Variants in CAMKMT observed in about 807,000 individuals in gnomAD.
The protein encoded by CAMKMT is calmodulin-lysine N-methyltransferase.
A neutral mutation model predicts 48.0 loss-of-function variants in CAMKMT; 53 were observed. The ratio of observed to expected loss-of-function variants is 1.10; its 90% CI spans 0.89 to 1.39. The LOEUF (loss-of-function observed/expected upper bound fraction) is 1.39. Ranked by LOEUF, CAMKMT falls within the 40% of genes most tolerant of loss-of-function variation. The pLI, the probability that CAMKMT is intolerant of heterozygous loss-of-function variation, is 0.00. For synonymous variants in CAMKMT, 165 were observed against 152.3 expected (o/e 1.08, Z -0.61); for missense variants, 428 against 402.7 (o/e 1.06, Z -0.54).
At chr2:44,497,492 T>TA (rs898625810) in intron 3 of CAMKMT, among the ~76,000 whole-genome samples, 57 of 151,798 alleles carry the variant, frequency 3.8e-4, no homozygotes, top group African/African-American at 1.2e-3. Context: ...TAAGAGAGAG[T>TA]AAAAAAAATC....
intron 9 of CAMKMT, among the ~76,000 whole-genome samples, chr2:44,763,233 T>C (rs1249714879): frequency 2.0e-5 from 3 of 152,178 alleles, no homozygotes; most frequent in East Asian, 1.9e-4. Context: ...AAAACAAAAC[T>C]CCTAAGTAGT....
chr2:44,663,317 C>T (rs944059018), intron 3 of CAMKMT, among the ~76,000 whole-genome samples: 1 of 152,164 alleles, frequency 6.6e-6, no homozygotes, highest in African/African-American at 2.4e-5. Context: ...TCTTATCCTT[C>T]AAAAATTGGA....
chr2:44,682,788 G>A (rs768377617), intron 3 of CAMKMT, among the ~76,000 whole-genome samples: 6 of 152,148 alleles, frequency 3.9e-5, no homozygotes, highest in Admixed American at 6.5e-5. Context: ...ACTGTTGTAT[G>A]TGAAAATTGT....
chr2:44,460,966 C>T (rs1425796334), intron 3 of CAMKMT, among the ~76,000 whole-genome samples: 4 of 152,006 alleles, frequency 2.6e-5, no homozygotes, highest in African/African-American at 9.7e-5. Flanking sequence ...CAAAGTGATC[C>T]ACCCGCCTCA....
intron 3 of CAMKMT, among the ~76,000 whole-genome samples, chr2:44,436,959 A>G (rs1231377506): frequency 2.0e-5 from 3 of 152,228 alleles, no homozygotes; most frequent in Non-Finnish European, 4.4e-5. Context: ...CATAACAGAT[A>G]AAATGAAAGG....
chr2:44,573,526 A>G (rs1401610934), intron 3 of CAMKMT, among the ~76,000 whole-genome samples: 1 of 151,802 alleles, frequency 6.6e-6, no homozygotes, highest in African/African-American at 2.4e-5. Flanking sequence ...ATTTTGATGA[A>G]GTTTGATTTT....
chr2:44,392,090 A>G (rs1209648354), intron 3 of CAMKMT: 2 of 152,406 alleles, frequency 1.3e-5, no homozygotes, highest in Non-Finnish European at 2.9e-5. Flanking sequence ...ATGAGTACCT[A>G]TATAACCTCT....
chr2:44,476,478 T>G (rs1465894752), intron 3 of CAMKMT, among the ~76,000 whole-genome samples: 1 of 152,162 alleles, frequency 6.6e-6, no homozygotes, highest in Non-Finnish European at 1.5e-5. Flanking sequence ...TGTGTTCATT[T>G]TATTGTGTGA....
intron 3 of CAMKMT, among the ~76,000 whole-genome samples, chr2:44,396,238 A>G (rs938657126): frequency 6.6e-6 from 1 of 152,068 alleles, no homozygotes; most frequent in Non-Finnish European, 1.5e-5. Flanking sequence ...AACACCATGA[A>G]TTTAAAGGTT....
At chr2:44,373,842 G>T (rs368905456) in intron 2 of CAMKMT, among the ~76,000 whole-genome samples, 14 of 152,172 alleles carry the variant, frequency 9.2e-5, no homozygotes, top group African/African-American at 3.1e-4. Flanking sequence ...TGAAAATGCC[G>T]GCTGGGCGCA....
At chr2:44,451,507 T>C (rs1209876235) in intron 3 of CAMKMT, among the ~76,000 whole-genome samples, 1 of 151,924 alleles carries the variant, frequency 6.6e-6, no homozygotes, top group Non-Finnish European at 1.5e-5. Flanking sequence ...ACTATAGAAT[T>C]AATTTAGATT....
intron 3 of CAMKMT, among the ~76,000 whole-genome samples, chr2:44,573,896 C>CT (rs1669060168): frequency 1.3e-5 from 2 of 152,104 alleles, no homozygotes; most frequent in South Asian, 4.1e-4. Context: ...TCTGAATACT[C>CT]TATTATGTCT....
At chr2:44,583,048 A>G (rs565768979) in intron 3 of CAMKMT, among the ~76,000 whole-genome samples, 2 of 152,212 alleles carry the variant, frequency 1.3e-5, no homozygotes, top group East Asian at 3.8e-4. Flanking sequence ...TAAAATACAT[A>G]TAATACATAA....
chr2:44,700,670 A>G (rs1424110061), intron 3 of CAMKMT, among the ~76,000 whole-genome samples: 6 of 152,194 alleles, frequency 3.9e-5, no homozygotes, highest in Non-Finnish European at 7.3e-5. Context: ...TGCCGCCCCA[A>G]AACAATTACC....
At chr2:44,365,254 C>T (rs1021458230) in intron 1 of CAMKMT, among the ~76,000 whole-genome samples, 5 of 152,128 alleles carry the variant, frequency 3.3e-5, no homozygotes, top group African/African-American at 1.2e-4. Flanking sequence ...CCCTATAGAG[C>T]TCCAAGGCTG....
chr2:44,482,456 G>A (rs1366250765), intron 3 of CAMKMT, among the ~76,000 whole-genome samples: 1 of 152,044 alleles, frequency 6.6e-6, no homozygotes, highest in Non-Finnish European at 1.5e-5. Context: ...TGCTTATGGG[G>A]AAAAATAATT....
At chr2:44,437,496 T>C (rs1206036836) in intron 3 of CAMKMT, among the ~76,000 whole-genome samples, 1 of 141,202 alleles carries the variant, frequency 7.1e-6, no homozygotes, top group Admixed American at 6.8e-5. Context: ...TATGTCCATG[T>C]TTTTCTGATT....
intron 9 of CAMKMT, among the ~76,000 whole-genome samples, chr2:44,754,358 C>T (rs1263662730): frequency 6.6e-6 from 1 of 152,166 alleles, no homozygotes; most frequent in Non-Finnish European, 1.5e-5. Flanking sequence ...GCAGCCGCTT[C>T]AAAGATAGTG....
At chr2:44,574,830 T>C (rs1287108816) in intron 3 of CAMKMT, among the ~76,000 whole-genome samples, 2 of 151,950 alleles carry the variant, frequency 1.3e-5, no homozygotes, top group Non-Finnish European at 2.9e-5. Context: ...AACCTCCATC[T>C]CCCAGGTTCA....
Sources: allele counts gnomAD v4.1 joint callset (sites outside exome capture counted in the v4.1 genomes callset), GRCh38; gene constraint gnomAD v4.1.1; transcripts MANE v1.5; gene names NCBI Gene and HGNC (gene_info 2026-07-23, HGNC 2026-07-21).